TNRC6A: variants seen among roughly 807,000 people sequenced by gnomAD.
The protein encoded by TNRC6A is trinucleotide repeat containing adaptor 6A.
In TNRC6A, 44 loss-of-function variants were observed where a neutral mutation model predicts 221.2. The observed-to-expected ratio is 0.20, with a 90% CI of 0.16 to 0.26. The LOEUF (loss-of-function observed/expected upper bound fraction) is 0.26. Among genes scored for constraint, TNRC6A ranks in the 10% least tolerant of loss-of-function variants. The pLI is 1.00. For missense variants in TNRC6A, 2,199 were observed against 2,404.4 expected (o/e 0.91, Z 1.79); for synonymous variants, 847 against 838.5 (o/e 1.01, Z -0.18).
chr16:24,694,275 C>G (rs2055812766), intron 2 of TNRC6A, among the ~76,000 whole-genome samples: 2 of 152,138 alleles, frequency 1.3e-5, no homozygotes, highest in Admixed American at 1.3e-4. Flanking sequence ...CCGTCTCCGA[C>G]CTCAGCACAA....
chr16:24,623,930 A>T (rs1900819939), intron 1 of TNRC6A, among the ~76,000 whole-genome samples: 1 of 117,520 alleles, frequency 8.5e-6, no homozygotes, highest in East Asian at 2.4e-4. Flanking sequence ...AAAAAAAAAA[A>T]GAATTTCAAG....
chr16:24,745,293 G>GT (rs2056980557), intron 2 of TNRC6A, among the ~76,000 whole-genome samples: 1 of 152,104 alleles, frequency 6.6e-6, no homozygotes, highest in African/African-American at 2.4e-5. Flanking sequence ...GAATTCTATA[G>GT]TTTTGAAGGT....
Position 24,823,540 on chromosome 16 carries a change from T to C in TNRC6A, c.5622T>C (p.Ser1874=), listed in dbSNP as rs781076240. ...QSLTPSPGWQ[S]LGSSQSRLGS... Reference sequence around the variant, plus strand: ...TGACCCCTTCTCCCGGCTGGCAGTCTCTCGGGTCCAGCCAGAGCCGGCTGG... The same window carrying C: ...TGACCCCTTCTCCCGGCTGGCAGTCCCTCGGGTCCAGCCAGAGCCGGCTGG... Residue 1874 remains serine (S), a synonymous_variant, in exon 25 of 25, where the codon TCT becomes TCC. Transcript: ENST00000395799. The surrounding 1 kb of genome is among the most constrained non-coding windows in gnomAD (Gnocchi z 4.3). 6.2e-7 allele frequency: 1 copy of C among 1,614,182 alleles called. No homozygotes were observed. The highest frequency in any genetic ancestry group is 1.1e-5 in the South Asian group (1 of 91,080).
At chr16:24,810,372 G>A (rs921691831) in intron 18 of TNRC6A, among the ~76,000 whole-genome samples, 1 of 152,152 alleles carries the variant, frequency 6.6e-6, no homozygotes, top group Non-Finnish European at 1.5e-5. Context: ...ATGTATGTAT[G>A]TATGTATATA....
intron 3 of TNRC6A, among the ~76,000 whole-genome samples, chr16:24,754,377 C>G (rs2057202893): frequency 6.6e-6 from 1 of 151,806 alleles, no homozygotes; most frequent in Non-Finnish European, 1.5e-5. Context: ...TATTTCAGCC[C>G]CAATACATTT....
intron 1 of TNRC6A, among the ~76,000 whole-genome samples, chr16:24,639,958 A>G (rs1022589523): frequency 6.6e-6 from 1 of 152,196 alleles, no homozygotes; most frequent in African/African-American, 2.4e-5. Context: ...CACTTGGCCC[A>G]GTCACTGTTT....
At chr16:24,664,864 G>A (rs2055123129) in intron 2 of TNRC6A, 1 of 453,818 alleles carries the variant, frequency 2.2e-6, no homozygotes, top group Non-Finnish European at 4.4e-6. Context: ...GTCGAGTTTT[G>A]CATCAGAGAA....
intron 14 of TNRC6A, 28 bp from the exon 15 acceptor site, chr16:24,805,577 A>G (rs368187152): frequency 7.3e-5 from 117 of 1,613,058 alleles, no homozygotes; most frequent in Non-Finnish European, 9.8e-5. Flanking sequence ...TTTTATCAAG[A>G]TCATTAACTT....
chr16:24,806,876 T>C, intron 17 of TNRC6A, 92 bp downstream of exon 17: 1 of 1,223,104 alleles, frequency 8.2e-7, no homozygotes, highest in Non-Finnish European at 1.2e-6. Context: ...TGTTCCTTCA[T>C]GAAAGCTACA....
intron 9 of TNRC6A, 71 bp downstream of exon 9, chr16:24,796,010 T>A: frequency 6.5e-7 from 1 of 1,530,444 alleles, no homozygotes; most frequent in Non-Finnish European, 9.1e-7. Context: ...CTGCAAACAT[T>A]TATTTAGCCT....
At chr16:24,633,754 T>G (rs1004474489) in intron 1 of TNRC6A, among the ~76,000 whole-genome samples, 22 of 151,484 alleles carry the variant, frequency 1.5e-4, no homozygotes, top group African/African-American at 4.6e-4. Flanking sequence ...CCAATAGAAT[T>G]TAAGCTCCAT....
intron 4 of TNRC6A, among the ~76,000 whole-genome samples, chr16:24,766,653 C>T (rs1000684320): frequency 6.7e-6 from 1 of 148,656 alleles, no homozygotes; most frequent in Non-Finnish European, 1.5e-5. Flanking sequence ...TGCATAATCA[C>T]TTGTACTTTT....
rs1448496011 is a variant in TNRC6A at position 24,791,416 on chromosome 16, C to T, written c.2774C>T (p.Pro925Leu). 6.4e-7 allele frequency: 1 copy of T among 1,554,106 alleles called. No individual in the cohort carries two copies. Among genetic ancestry groups the T allele is most frequent in the Non-Finnish European group, 8.7e-7 (1 of 1,152,690 alleles). ...ACTCCTTCCCAGGGATGGGGAGACCCTCCAAAGTCTAATCAGTCTCTAGGT... is the reference window on the plus strand; with the variant it reads ...ACTCCTTCCCAGGGATGGGGAGACCTTCCAAAGTCTAATCAGTCTCTAGGT... ...KPTPSQGWGD[P>L]PKSNQSLGWG... is the part of the protein sequence containing the mutation. Residue 925 changes from proline to leucine, a missense_variant, in exon 6 of 25, where the codon CCT becomes CTT. Physicochemically the swap from Pro to Leu is moderately conservative, Grantham distance 98. This residue lies in a region of TNRC6A where 1,405 missense variants were observed against 1,400.2 expected (regional missense o/e 1.00). Transcript: ENST00000395799.
chr16:24,722,411 CTATTTATTTATTTATTTACT>C (rs1189350837), intron 2 of TNRC6A, among the ~76,000 whole-genome samples: 15 of 102,470 alleles, frequency 1.5e-4, no homozygotes, highest in Non-Finnish European at 2.3e-4. Context: ...AAGACCCCAA[CTATTTATTTATTTATTTACT>C]TATTTATTTA....
chr16:24,614,924 G>A (rs1900264712), intron 1 of TNRC6A, among the ~76,000 whole-genome samples: 1 of 152,088 alleles, frequency 6.6e-6, no homozygotes, highest in African/African-American at 2.4e-5. Flanking sequence ...ACAAAAATTA[G>A]CCAGGCATGG....
chr16:24,820,402 T>C, intron 22 of TNRC6A, 42 bp downstream of exon 22: 1 of 1,577,898 alleles, frequency 6.3e-7, no homozygotes, highest in Non-Finnish European at 8.7e-7. Context: ...GTTTATTTGC[T>C]AAACGCTAAC....
intron 2 of TNRC6A, among the ~76,000 whole-genome samples, chr16:24,702,100 CTTTTTTCTTTTTTTTT>C (rs1435948895): frequency 1.5e-5 from 1 of 65,098 alleles, no homozygotes; most frequent in African/African-American, 1.0e-4. Context: ...CTTTTCTTTT[CTTTTTTCTTTTTTTTT>C]TTTTTTTTTG....
At chr16:24,616,343 AAG>A (rs1491046643) in intron 1 of TNRC6A, among the ~76,000 whole-genome samples, 2 of 106,600 alleles carry the variant, frequency 1.9e-5, no homozygotes, top group African/African-American at 6.9e-5. Context: ...AAAAAAAAAA[AAG>A]AAGAAGAAGA....
chr16:24,804,693 CT>C lies in TNRC6A; in HGVS notation c.3838-11del, dbSNP rs1304797712. On this transcript the variant is annotated splice_polypyrimidine_tract_variant and intron_variant, in intron 12 of 24. Coordinates refer to ENST00000395799, the MANE Select transcript of TNRC6A (RefSeq NM_014494.4). ...TGGCTGGTGTTGCACATCTTTCTGT[CT>C]GTCCAATCAGGATGGCATTGTAGCA... 1 of 1,565,572 alleles carries C rather than the reference CT, an allele frequency of 6.4e-7. No homozygotes were observed. The highest frequency in any genetic ancestry group is 8.6e-7 in the Non-Finnish European group (1 of 1,163,636).
Sources: allele counts gnomAD v4.1 joint callset (sites outside exome capture counted in the v4.1 genomes callset), GRCh38; gene constraint gnomAD v4.1.1; regional missense constraint gnomAD v4.1.1; non-coding constraint Gnocchi (gnomAD v3.1); transcripts MANE v1.5; gene names NCBI Gene and HGNC (gene_info 2026-07-23, HGNC 2026-07-21).